Variants in RARB observed in about 807,000 individuals in gnomAD.
RARB encodes HBV-activated protein.
RARB carries 17 observed loss-of-function variants against 51.9 expected under a neutral mutation model. The ratio of observed to expected loss-of-function variants is 0.33; its 90% CI spans 0.22 to 0.49. The LOEUF (loss-of-function observed/expected upper bound fraction) is 0.49, where lower values mean the gene tolerates loss of function less well. Among genes scored for constraint, RARB ranks in the 20% least tolerant of loss-of-function variants. The probability of loss-of-function intolerance (pLI) is 0.99; values close to 1 mark genes in which losing one functional copy is unlikely to be tolerated. For missense variants in RARB, 369 were observed against 550.8 expected, an observed-to-expected ratio of 0.67 and a Z score of 3.30; for synonymous variants, 215 against 195.4, an observed-to-expected ratio of 1.10 and a Z score of -0.84.
chr3:25,548,640 G>GCC (rs1699718473), intron 3 of RARB, among the ~76,000 whole-genome samples: 1 of 38,382 alleles, frequency 2.6e-5, no homozygotes, highest in Non-Finnish European at 5.6e-5. Flanking sequence ...GACCTCCCCC[G>GCC]ACAAAAAAAA....
At chr3:25,017,166 A>G (rs952032821) in intron 2 of RARB, among the ~76,000 whole-genome samples, 4 of 152,016 alleles carry the variant, frequency 2.6e-5, no homozygotes, top group Non-Finnish European at 1.5e-5. Context: ...AACTTTCCTT[A>G]TCAATGTTTG....
intron 5 of RARB, among the ~76,000 whole-genome samples, chr3:25,328,843 A>G (rs1312716073): frequency 6.6e-6 from 1 of 152,174 alleles, no homozygotes; most frequent in African/African-American, 2.4e-5. Flanking sequence ...TGCTTTTCCA[A>G]TGGTCTTAGC....
chr3:25,215,194 G>A (rs1701800736), intron 5 of RARB, among the ~76,000 whole-genome samples: 1 of 152,212 alleles, frequency 6.6e-6, no homozygotes, highest in Admixed American at 6.5e-5. Context: ...CTGGGCAGCA[G>A]TTTATCTGAA....
At chr3:25,196,057 T>C (rs1274969031) in intron 5 of RARB, among the ~76,000 whole-genome samples, 3 of 151,972 alleles carry the variant, frequency 2.0e-5, no homozygotes, top group Admixed American at 6.6e-5. Flanking sequence ...ATCTCATTAA[T>C]AGAATCAGCT....
chr3:24,870,383 CTATTT>C lies in RARB; in HGVS notation c.-380+11635_-380+11639del, dbSNP rs1314853009. Among the ~76,000 whole-genome samples the C allele has an allele frequency of 2.6e-5, 4 of 152,048 alleles. No homozygotes were observed. In the East Asian group the frequency reaches 7.7e-4, roughly 29 times the overall value. On this transcript the variant is annotated intron_variant, in intron 2 of 11. Transcript: ENST00000383772. ...AATAGGAAAACTAATTGTTCCAACACTATTTTATAGTCCAAACTTATCTCACTAAT... is the reference window on the plus strand; with the variant it reads ...AATAGGAAAACTAATTGTTCCAACACTATAGTCCAAACTTATCTCACTAAT...
intron 3 of RARB, among the ~76,000 whole-genome samples, chr3:25,562,450 C>A (rs1575521633): frequency 6.6e-6 from 1 of 152,280 alleles, no homozygotes; most frequent in South Asian, 2.1e-4. Context: ...GCCACAGACA[C>A]GTGTGCCTCT....
At chr3:25,551,670 A>G (rs78967133) in intron 3 of RARB, among the ~76,000 whole-genome samples, 6,275 of 152,256 alleles carry the variant, frequency 0.041, 162 homozygotes, top group Non-Finnish European at 0.062. Context: ...AGTCTCCTGG[A>G]TATATGTCCT....
intron 1 of RARB, among the ~76,000 whole-genome samples, chr3:25,455,251 C>T (rs1694847922): frequency 1.3e-5 from 2 of 152,060 alleles, no homozygotes; most frequent in Admixed American, 6.5e-5. Context: ...GTGCTTTGGA[C>T]GTCGTTGTTT....
chr3:24,943,449 A>T (rs1033206068), intron 2 of RARB, among the ~76,000 whole-genome samples: 1 of 152,180 alleles, frequency 6.6e-6, no homozygotes, highest in African/African-American at 2.4e-5. Flanking sequence ...AAAGATTCCA[A>T]ATCTCCAATG....
intron 1 of RARB, among the ~76,000 whole-genome samples, chr3:24,837,232 G>A (rs1702356396): frequency 6.6e-6 from 1 of 152,196 alleles, no homozygotes; most frequent in Admixed American, 6.5e-5. Flanking sequence ...GAATAATGTG[G>A]TCATCTGCAA....
intron 2 of RARB, among the ~76,000 whole-genome samples, chr3:24,919,697 T>C (rs965136678): frequency 2.0e-5 from 3 of 152,250 alleles, no homozygotes; most frequent in Non-Finnish European, 4.4e-5. Flanking sequence ...TGTTTAGGTA[T>C]CTTTTCTAAA....
chr3:25,025,266 A>G (rs1357408668), intron 2 of RARB: 1 of 152,216 alleles, frequency 6.6e-6, no homozygotes, highest in African/African-American at 2.4e-5. Flanking sequence ...TTCAGGTGAT[A>G]GCAAATGCTT....
intron 4 of RARB, among the ~76,000 whole-genome samples, chr3:25,141,678 T>C (rs1254128308): frequency 3.3e-5 from 5 of 152,246 alleles, no homozygotes; most frequent in Non-Finnish European, 5.9e-5. Context: ...TTTCTGCACC[T>C]GTATATTTAA....
At chr3:25,446,541 C>A (rs1443168446) in intron 1 of RARB, among the ~76,000 whole-genome samples, 1 of 152,130 alleles carries the variant, frequency 6.6e-6, no homozygotes, top group African/African-American at 2.4e-5. Flanking sequence ...CAGTGGCTCA[C>A]GCCTGTAATC....
chr3:25,502,943 A>G (rs907555711), intron 3 of RARB, among the ~76,000 whole-genome samples: 4 of 152,264 alleles, frequency 2.6e-5, no homozygotes, highest in Non-Finnish European at 5.9e-5. Flanking sequence ...TCTGCCAAGA[A>G]GAACCCATTA....
intron 2 of RARB, among the ~76,000 whole-genome samples, chr3:25,050,755 A>G (rs1050220586): frequency 1.3e-5 from 2 of 152,194 alleles, no homozygotes; most frequent in African/African-American, 4.8e-5. Flanking sequence ...TTCCTCCCCC[A>G]TTCTCCAATA....
intron 5 of RARB, among the ~76,000 whole-genome samples, chr3:25,588,111 G>A (rs1208661308): frequency 1.3e-5 from 2 of 152,216 alleles, no homozygotes; most frequent in Non-Finnish European, 2.9e-5. Context: ...AACTCAGATG[G>A]TGACAACTGC....
At chr3:25,195,842 A>G (rs1701220042) in intron 5 of RARB, among the ~76,000 whole-genome samples, 2 of 152,058 alleles carry the variant, frequency 1.3e-5, no homozygotes, top group Admixed American at 6.6e-5. Flanking sequence ...AACATCTTCT[A>G]TAAAATAAAG....
At chr3:24,880,456 T>C (rs1161864767) in intron 2 of RARB, among the ~76,000 whole-genome samples, 1 of 152,152 alleles carries the variant, frequency 6.6e-6, no homozygotes, top group African/African-American at 2.4e-5. Flanking sequence ...TTTCAAGGGA[T>C]AGAAATATTC....
Sources: allele counts gnomAD v4.1 joint callset (sites outside exome capture counted in the v4.1 genomes callset), GRCh38; gene constraint gnomAD v4.1.1; transcripts MANE v1.5; gene names NCBI Gene and HGNC (gene_info 2026-07-23, HGNC 2026-07-21).